The following SF3B2 variants were observed in gnomAD, a reference collection of about 807,000 sequenced individuals.
SF3B2 encodes the protein splicing factor 3b subunit 2.
A neutral mutation model predicts 116.3 loss-of-function variants in SF3B2; 22 were observed. That is an observed-to-expected ratio of 0.19 (90% CI 0.14 to 0.27). The LOEUF (loss-of-function observed/expected upper bound fraction) is 0.27, where lower values mean the gene tolerates loss of function less well. Ranked by LOEUF, SF3B2 falls within the 10% of genes least tolerant of loss-of-function variation. SF3B2 has a pLI of 1.00. For synonymous variants in SF3B2, 406 were observed against 421.6 expected (o/e 0.96, Z 0.45); for missense variants, 767 against 1,151.4 (o/e 0.67, Z 4.83).
At position 66,059,390 on chromosome 11, in the gene SF3B2, G is replaced by A; in HGVS notation, c.1320+52G>A. The A allele has an allele frequency of 6.2e-7, 1 of 1,612,602 alleles. No individual in the cohort carries two copies. The highest frequency in any genetic ancestry group is 2.2e-5 in the East Asian group (1 of 44,848). On this transcript the variant is annotated intron_variant, in intron 11 of 21. Transcript: ENST00000322535. This position sits in a 1 kb window ranked among gnomAD's most constrained non-coding sequence, Gnocchi z 5.0. ...GCAGGGACTCTGGGCACAGGTGGCTGAGATGCATCCAGAGAGGGACCATGG... is the reference window on the plus strand; with the variant it reads ...GCAGGGACTCTGGGCACAGGTGGCTAAGATGCATCCAGAGAGGGACCATGG...
Position 66,063,738 on chromosome 11 carries a change from A to G in SF3B2, c.2330+9A>G. 1.2e-6 allele frequency: 2 copies of G among 1,602,286 alleles called. No homozygotes were observed. The highest frequency in any genetic ancestry group is 8.5e-7 in the Non-Finnish European group (1 of 1,174,464). On this transcript the variant is annotated intron_variant, in intron 19 of 21. Coordinates refer to ENST00000322535, the MANE Select transcript of SF3B2 (RefSeq NM_006842.3). ...GAGGAGGCGATGGACGGGTAAGGGT[A>G]CCAGACAGGGCTGAGAGGGGAGGAC...
chr11:66,058,071 G>T lies in SF3B2; in HGVS notation c.795G>T (p.Val265=), dbSNP rs1302261338. 1.2e-6 allele frequency: 2 copies of T among 1,610,354 alleles called. No individual in the cohort carries two copies. Among genetic ancestry groups the T allele is most frequent in the East Asian group, 2.2e-5 (1 of 44,752 alleles). The change falls in exon 8 of 22, where the codon GTG becomes GTT. Residue 265 remains valine, a synonymous_variant. Coordinates refer to ENST00000322535, the MANE Select transcript of SF3B2 (RefSeq NM_006842.3). ...DENREMDDPS[V]GPKIPQALEK... ...TCTGGCAGATGGATGACCCCTCTGT[G>T]GGCCCCAAGATCCCCCAGGCTTTGG...
intron 15 of SF3B2, 27 bp downstream of exon 15, chr11:66,061,802 A>G (rs1234348213): frequency 2.5e-6 from 4 of 1,607,052 alleles, no homozygotes; most frequent in Non-Finnish European, 3.4e-6. Context: ...TGTCTGGGGA[A>G]GCAGCGAAGA....
chr11:66,068,061 A>T lies in SF3B2; in HGVS notation c.2430+16A>T. The T allele has an allele frequency of 6.2e-7, 1 of 1,613,334 alleles. No homozygotes were observed. Among genetic ancestry groups the T allele is most frequent in the Non-Finnish European group, 8.5e-7 (1 of 1,179,552 alleles). Reference sequence around the variant, plus strand: ...CATGTCCACGGTGAGTACTTGGAGGATACTGCTTTTGGAGGCTGAGAAAGG... The same window carrying T: ...CATGTCCACGGTGAGTACTTGGAGGTTACTGCTTTTGGAGGCTGAGAAAGG... On this transcript the variant is annotated intron_variant, in intron 20 of 21. Coordinates refer to ENST00000322535, the MANE Select transcript of SF3B2 (RefSeq NM_006842.3).
At chr11:66,057,689 C>G (rs1240281068) in intron 7 of SF3B2, among the ~76,000 whole-genome samples, 3 of 151,990 alleles carry the variant, frequency 2.0e-5, no homozygotes, top group Non-Finnish European at 4.4e-5. Context: ...AAAAAGGGCA[C>G]TGTGGGCTGG....
intron 19 of SF3B2, chr11:66,065,447 A>G (rs752267453): frequency 2.0e-5 from 3 of 152,130 alleles, no homozygotes; most frequent in African/African-American, 7.2e-5. Flanking sequence ...GCCTTGGTGT[A>G]GTTTCTGAAT....
At chr11:66,056,559 T>G (rs1856997931) in intron 5 of SF3B2, among the ~76,000 whole-genome samples, 2 of 152,138 alleles carry the variant, frequency 1.3e-5, no homozygotes, top group African/African-American at 4.8e-5. Flanking sequence ...CTCTGAAAAG[T>G]AGAAGGCACT....
chr11:66,067,247 G>C lies in SF3B2; in HGVS notation c.2331-699G>C, dbSNP rs1271658975. 3 of 364,878 alleles carry C rather than the reference G, an allele frequency of 8.2e-6. No individual in the cohort carries two copies. The Admixed American group carries it at 1.1e-4, about 13-fold the overall frequency. 22.6% of individuals were successfully genotyped at this position (364,878 alleles called of 1,614,324 possible). ...GACAGAGTATAGTGAGGAGGGCTTG[G>C]GTAAGGGACCAGGCTATGAACCCTT... On this transcript the variant is annotated intron_variant, in intron 19 of 21. Transcript: ENST00000322535.
At position 66,053,150 on chromosome 11, in the gene SF3B2, T is replaced by C. The variant is rs764016482; in HGVS notation, c.258+46T>C. Reference sequence around the variant, plus strand: ...TTTAAGATTCCATCTGCTGATCCTTTTGTAGTTCATGAGCATGATGATTGG... The same window carrying C: ...TTTAAGATTCCATCTGCTGATCCTTCTGTAGTTCATGAGCATGATGATTGG... On this transcript the variant is annotated intron_variant, in intron 3 of 21. Coordinates refer to ENST00000322535, the MANE Select transcript of SF3B2 (RefSeq NM_006842.3). 26 of 1,550,960 alleles carry C rather than the reference T, an allele frequency of 1.7e-5. No homozygotes were observed. In the East Asian group the frequency reaches 5.2e-4, roughly 31 times the overall value.
At position 66,059,424 on chromosome 11, in the gene SF3B2, T is replaced by TA. The variant is rs1857062932; in HGVS notation, c.1320+87dup. 6.2e-7 allele frequency: 1 copy of TA among 1,610,008 alleles called. No homozygotes were observed. The highest frequency in any genetic ancestry group is 1.7e-5 in the Admixed American group (1 of 59,902). ...CCAGAGAGGGACCATGGTGAACTCT[T>TA]ACAGAGCTTTGGTGGCTTAAGGTTG... On this transcript the variant is annotated intron_variant, in intron 11 of 21. Transcript: ENST00000322535. This position sits in a 1 kb window ranked among gnomAD's most constrained non-coding sequence, Gnocchi z 5.0.
At chr11:66,057,193 CA>C (rs1160594936) in intron 6 of SF3B2, 72 bp from the exon 7 acceptor site, 1 of 1,030,816 alleles carries the variant, frequency 9.7e-7, no homozygotes. Context: ...ATCACCCTTT[CA>C]GCAAGAGAGG....
At position 66,055,691 on chromosome 11, in the gene SF3B2, C is replaced by A. The variant is rs1038084762; in HGVS notation, c.549+106C>A. 9.0e-5 allele frequency: 90 copies of A among 999,458 alleles called. No homozygotes were observed. In the East Asian group the frequency reaches 2.1e-3, roughly 23 times the overall value. 61.9% of individuals were successfully genotyped at this position (999,458 alleles called of 1,614,324 possible). The stretch of plus-strand genomic sequence containing the variant: ...AGTTTTCCCTGGAGGCTACTTTGTT[C>A]TCAACTAAGTTCTAGTATCTTCCAA... On this transcript the variant is annotated intron_variant, in intron 5 of 21. Transcript: ENST00000322535.
At chr11:66,061,838 C>T in intron 15 of SF3B2, 53 bp from the exon 16 acceptor site, 1 of 1,601,924 alleles carries the variant, frequency 6.2e-7, no homozygotes, top group Non-Finnish European at 8.6e-7. Context: ...GAGTGGAAGG[C>T]AGAGACAGGG....
At position 66,056,935 on chromosome 11, in the gene SF3B2, G is replaced by A. The variant is rs763554014; in HGVS notation, c.647G>A (p.Arg216His). Residue 216 changes from arginine (R) to histidine (H), a missense_variant, in exon 6 of 22, where the codon CGC (arginine) becomes CAC (histidine). Transcript: ENST00000322535. ...CAAGACATGGGCCAGATTGGTGTGC[G>A]CACTCCTCTGGGTCCTCGAGGTGAG... ...PPQDMGQIGVRTPLGPRVAAP... is the reference protein window; with the variant it reads ...PPQDMGQIGVHTPLGPRVAAP... 4.3e-5 allele frequency: 70 copies of A among 1,613,542 alleles called. No individual in the cohort carries two copies. The highest frequency in any genetic ancestry group is 5.3e-5 in the Non-Finnish European group (62 of 1,179,582).
At chr11:66,057,837 T>G (rs1857028367) in intron 7 of SF3B2, among the ~76,000 whole-genome samples, 1 of 151,806 alleles carries the variant, frequency 6.6e-6, no homozygotes. Context: ...CCAGGTGTGG[T>G]GGTGCATGCC....
chr11:66,068,594 T>C lies in SF3B2; in HGVS notation c.2617-80T>C, dbSNP rs980058436. 5.7e-6 allele frequency: 7 copies of C among 1,237,068 alleles called. No homozygotes were observed. The African/African-American group carries it at 1.1e-4, about 19-fold the overall frequency. The allele number at this position is 1,237,068 out of a possible 1,614,324, so 76.6% of individuals were successfully genotyped here. ...CCTTTCCCACAGACTTCTATGTCTA[T>C]GTCAGGCTGCCCACCCTTGTTTTGG... On this transcript the variant is annotated intron_variant, in intron 21 of 21. Transcript: ENST00000322535.
Position 66,059,746 on chromosome 11 carries a change from G to C in SF3B2, c.1402-36G>C, listed in dbSNP as rs1272335561. On this transcript the variant is annotated intron_variant, in intron 12 of 21. Transcript: ENST00000322535. The surrounding 1 kb of genome is among the most constrained non-coding windows in gnomAD (Gnocchi z 5.0). Reference sequence around the variant, plus strand: ...AAGAGCTTCAGAACTGAGAAGTCGGGGCTCTCGAGAACACGCATTACTATG... The same window carrying C: ...AAGAGCTTCAGAACTGAGAAGTCGGCGCTCTCGAGAACACGCATTACTATG... 4 of 1,610,068 alleles carry C rather than the reference G, an allele frequency of 2.5e-6. No individual in the cohort carries two copies. In the African/African-American group the frequency reaches 5.3e-5, roughly 22 times the overall value.
At chr11:66,056,811 G>T in intron 5 of SF3B2, 27 bp from the exon 6 acceptor site, 1 of 1,571,176 alleles carries the variant, frequency 6.4e-7, no homozygotes, top group Non-Finnish European at 8.8e-7. Flanking sequence ...TTTTCAGGCA[G>T]TATCTACTCC....
chr11:66,060,401 A>T (rs984282766), intron 13 of SF3B2, among the ~76,000 whole-genome samples, 181 bp from the exon 14 acceptor site: 1 of 152,194 alleles, frequency 6.6e-6, no homozygotes, highest in African/African-American at 2.4e-5. Context: ...CTGATATTGT[A>T]TAGTCTGTTT....
Sources: gnomAD v4.1 joint callset for allele counts (sites outside exome capture counted in the v4.1 genomes callset) on GRCh38, gnomAD v4.1.1 for gene constraint, Gnocchi (gnomAD v3.1) non-coding constraint, MANE v1.5 for transcripts, NCBI Gene and HGNC (gene_info 2026-07-23, HGNC 2026-07-21) for gene names.